EHBP1: variants seen among roughly 807,000 people sequenced by gnomAD.
The protein encoded by EHBP1 is EH domain binding protein 1.
Under a neutral mutation model 144.0 loss-of-function variants are expected in EHBP1, and 55 were observed. The observed-to-expected ratio is 0.38, with a 90% CI of 0.31 to 0.48. EHBP1 has a LOEUF of 0.48. Ranked by LOEUF, EHBP1 falls within the 20% of genes least tolerant of loss-of-function variation. EHBP1 has a pLI of 0.98. For missense variants in EHBP1, 1,200 were observed against 1,364.2 expected (o/e 0.88, Z 1.90); for synonymous variants, 469 against 472.7 (o/e 0.99, Z 0.10).
At chr2:62,836,084 A>G (rs372196129) in intron 7 of EHBP1, among the ~76,000 whole-genome samples, 1 of 152,148 alleles carries the variant, frequency 6.6e-6, no homozygotes, top group African/African-American at 2.4e-5. Context: ...GCAGACTTAA[A>G]TGTCCCTGTC....
In EHBP1 at chr2:62,946,396, A is replaced by G. The variant is rs559073990; in HGVS notation, c.1414-1864A>G. On this transcript the variant is annotated intron_variant, in intron 12 of 22. Coordinates refer to ENST00000431489, the MANE Select transcript of EHBP1 (RefSeq NM_001142616.3). Reference sequence around the variant, plus strand: ...GAAAGGCTTTATCTTTGATGATTCTATTCATTGTATTATTCAATAAATAAT... The same window carrying G: ...GAAAGGCTTTATCTTTGATGATTCTGTTCATTGTATTATTCAATAAATAAT... Among the ~76,000 whole-genome samples, 14 of 152,302 alleles carry G rather than the reference A, an allele frequency of 9.2e-5. No homozygotes were observed. The East Asian group carries it at 2.7e-3, about 29-fold the overall frequency.
In EHBP1 at chr2:62,955,543, A is replaced by T; in HGVS notation, c.2343A>T (p.Glu781Asp). 1.2e-6 allele frequency: 2 copies of T among 1,612,670 alleles called. No individual in the cohort carries two copies. The highest frequency in any genetic ancestry group is 1.7e-6 in the Non-Finnish European group (2 of 1,179,198). Residue 781 changes from glutamate to aspartate, a missense_variant, in exon 14 of 23, where the codon GAA becomes GAT. Physicochemically the swap from Glu to Asp is conservative, Grantham distance 45. Around this residue, in one of 6 missense-constraint regions of EHBP1, gnomAD observed 543 missense variants for 513.1 expected, o/e 1.06. Transcript: ENST00000431489. ...VQHRLLSRQE[E>D]LKERARVLLE... ...ATCGATTGTTATCTAGACAAGAAGAACTTAAGGAAAGAGCAAGAGTTCTGC... is the reference window on the plus strand; with the variant it reads ...ATCGATTGTTATCTAGACAAGAAGATCTTAAGGAAAGAGCAAGAGTTCTGC...
At chr2:63,034,793 A>G (rs552106324) in intron 19 of EHBP1, among the ~76,000 whole-genome samples, 1 of 152,066 alleles carries the variant, frequency 6.6e-6, no homozygotes, top group South Asian at 2.1e-4. Context: ...TTACTTAATC[A>G]GTATGAACAA....
At chr2:62,729,310 ATATAATATT>A (rs1432027242) in intron 2 of EHBP1, among the ~76,000 whole-genome samples, 1 of 130,916 alleles carries the variant, frequency 7.6e-6, no homozygotes, top group African/African-American at 2.9e-5. Context: ...TTATAATATA[ATATAATATT>A]TATAATATAA....
At chr2:62,849,824 T>G (rs1269835720) in intron 7 of EHBP1, among the ~76,000 whole-genome samples, 2 of 152,182 alleles carry the variant, frequency 1.3e-5, no homozygotes, top group Non-Finnish European at 2.9e-5. Flanking sequence ...TTTAATATAT[T>G]AAGTGTGTGA....
intron 3 of EHBP1, among the ~76,000 whole-genome samples, chr2:62,750,165 G>A (rs1012618363): frequency 1.3e-5 from 2 of 152,118 alleles, no homozygotes; most frequent in East Asian, 1.9e-4. Context: ...TTTATATAAG[G>A]TGTAAGGAAG....
intron 19 of EHBP1, among the ~76,000 whole-genome samples, chr2:63,033,557 C>T (rs1448956220): frequency 6.6e-6 from 1 of 151,956 alleles, no homozygotes; most frequent in Non-Finnish European, 1.5e-5. Flanking sequence ...AATTCATTGT[C>T]TAAAATATAT....
intron 2 of EHBP1, among the ~76,000 whole-genome samples, chr2:62,739,690 T>G (rs2038504577): frequency 6.6e-6 from 1 of 152,078 alleles, no homozygotes; most frequent in Non-Finnish European, 1.5e-5. Flanking sequence ...TGCCTGTGAT[T>G]CCAACACTTT....
intron 10 of EHBP1, among the ~76,000 whole-genome samples, chr2:62,884,201 C>G (rs987098831): frequency 2.0e-5 from 3 of 152,010 alleles, no homozygotes; most frequent in African/African-American, 4.8e-5. Context: ...GGAGGTATGC[C>G]GAACATTGAG....
chr2:62,953,335 A>C (rs2057504625), intron 13 of EHBP1, among the ~76,000 whole-genome samples: 1 of 151,952 alleles, frequency 6.6e-6, no homozygotes. Context: ...GCAAAATAAG[A>C]CAAGTTAACT....
chr2:63,032,566 CAAAAAAA>C (rs35237077), intron 19 of EHBP1, among the ~76,000 whole-genome samples: 14 of 28,290 alleles, frequency 4.9e-4, no homozygotes, highest in African/African-American at 1.5e-3. Flanking sequence ...GACTCTGTCT[CAAAAAAA>C]AAAAAAAAAA....
At chr2:62,695,678 G>A (rs931714307) in intron 1 of EHBP1, among the ~76,000 whole-genome samples, 2 of 152,028 alleles carry the variant, frequency 1.3e-5, no homozygotes, top group African/African-American at 2.4e-5. Flanking sequence ...CAATATCTTC[G>A]ATCTAAAACT....
intron 5 of EHBP1, among the ~76,000 whole-genome samples, chr2:62,787,586 G>A (rs573783087): frequency 1.6e-4 from 25 of 152,320 alleles, no homozygotes; most frequent in African/African-American, 5.5e-4. Context: ...CATAGTAGTT[G>A]TAATGGAATA....
chr2:62,925,313 C>A (rs1404207596), intron 10 of EHBP1, among the ~76,000 whole-genome samples: 1 of 151,864 alleles, frequency 6.6e-6, no homozygotes, highest in South Asian at 2.1e-4. Context: ...TCTACTCTTA[C>A]CACTTCTATT....
Position 62,884,537 on chromosome 2 carries a change from C to T in EHBP1, c.1185+10005C>T, listed in dbSNP as rs1435474805. On this transcript the variant is annotated intron_variant, in intron 10 of 22. Transcript: ENST00000431489. ...GACCCCCTTTTCCATTTCTACTGTGCAAATCCATGCTCATTCATTTTATAT... is the reference window on the plus strand; with the variant it reads ...GACCCCCTTTTCCATTTCTACTGTGTAAATCCATGCTCATTCATTTTATAT... Among the ~76,000 whole-genome samples the T allele has an allele frequency of 2.6e-5, 4 of 152,120 alleles. No homozygotes were observed. The South Asian group carries it at 6.2e-4, about 24-fold the overall frequency.
chr2:62,746,448 C>T (rs904160875), intron 2 of EHBP1, among the ~76,000 whole-genome samples: 2 of 151,808 alleles, frequency 1.3e-5, no homozygotes, highest in African/African-American at 2.4e-5. Flanking sequence ...GCTGAAAGCA[C>T]GGGATTCCAG....
At chr2:62,743,013 A>G (rs943287591) in intron 2 of EHBP1, among the ~76,000 whole-genome samples, 5 of 152,124 alleles carry the variant, frequency 3.3e-5, no homozygotes, top group Non-Finnish European at 7.4e-5. Context: ...AGAAAAGCAT[A>G]ATGACATGTA....
chr2:62,903,785 GAGGAGA>G (rs72375964), intron 10 of EHBP1, among the ~76,000 whole-genome samples: 95,091 of 150,316 alleles, frequency 0.63, 30,129 homozygotes, highest in South Asian at 0.69. Flanking sequence ...GAAGGAGAAG[GAGGAGA>G]AGGAGAAGGA....
chr2:62,749,827 G>A (rs1375053531), intron 3 of EHBP1, among the ~76,000 whole-genome samples: 1 of 152,140 alleles, frequency 6.6e-6, no homozygotes, highest in African/African-American at 2.4e-5. Context: ...TGTTGATGGA[G>A]TTGTTTGTTT....
Sources: allele counts gnomAD v4.1 joint callset (sites outside exome capture counted in the v4.1 genomes callset), GRCh38; gene constraint gnomAD v4.1.1; regional missense constraint gnomAD v4.1.1; transcripts MANE v1.5; gene names NCBI Gene and HGNC (gene_info 2026-07-23, HGNC 2026-07-21).